KHDRBS2: variants seen among roughly 807,000 people sequenced by gnomAD.
KHDRBS2 encodes the protein KH domain-containing, RNA-binding, signal transduction-associated protein 2.
In KHDRBS2, 26 loss-of-function variants were observed where a neutral mutation model predicts 44.3. That is an observed-to-expected ratio of 0.59 (90% confidence interval 0.43 to 0.81). The LOEUF (loss-of-function observed/expected upper bound fraction) is 0.81, where lower values mean the gene tolerates loss of function less well. KHDRBS2 is among the 40% of genes least tolerant of loss of function. The pLI is 0.00. For missense variants in KHDRBS2, 476 were observed against 433.1 expected (o/e 1.10, Z -0.88); for synonymous variants, 194 against 151.1 (o/e 1.28, Z -2.08).
intron 2 of KHDRBS2, among the ~76,000 whole-genome samples, chr6:62,091,530 CTG>C (rs1799495989): frequency 6.6e-6 from 1 of 152,112 alleles, no homozygotes; most frequent in Non-Finnish European, 1.5e-5. Context: ...CTTTAATAAA[CTG>C]TATTTTTCTA....
At chr6:62,034,218 C>A (rs1451802742) in intron 3 of KHDRBS2, among the ~76,000 whole-genome samples, 1 of 151,772 alleles carries the variant, frequency 6.6e-6, no homozygotes, top group South Asian at 2.1e-4. Flanking sequence ...GACCAGAACC[C>A]GATGGCTTTT....
the KHDRBS2 span, among the ~76,000 whole-genome samples, chr6:61,605,584 C>G: frequency 1.3e-5 from 2 of 152,104 alleles, no homozygotes; most frequent in Non-Finnish European, 2.9e-5. Flanking sequence ...CAGGCCATCA[C>G]CAATAATTCT....
In KHDRBS2 at chr6:62,058,835, A is replaced by G. The variant is rs1790923956; in HGVS notation, c.220-10841T>C. On this transcript the variant is annotated intron_variant, in intron 2 of 8. Transcript: ENST00000281156. Reference sequence around the variant, plus strand: ...TGAGTATTGAAGAAAACAGAGAAGAAAAGCAGAATGATTTAGAATTAACCA... The same window carrying G: ...TGAGTATTGAAGAAAACAGAGAAGAGAAGCAGAATGATTTAGAATTAACCA... Among the ~76,000 whole-genome samples the G allele has an allele frequency of 2.0e-5, 3 of 151,880 alleles. 1 individual carries two copies. The South Asian group carries it at 6.2e-4, about 31-fold the overall frequency.
At chr6:61,650,995 C>T in the KHDRBS2 span, among the ~76,000 whole-genome samples, 1 of 152,052 alleles carries the variant, frequency 6.6e-6, no homozygotes, top group African/African-American at 2.4e-5. Context: ...TACATTCTCT[C>T]TGTTTTCCTT....
the KHDRBS2 span, among the ~76,000 whole-genome samples, chr6:61,594,738 TA>T: frequency 6.6e-6 from 1 of 152,144 alleles, no homozygotes; most frequent in Non-Finnish European, 1.5e-5. Context: ...TAAATATGTT[TA>T]CTATCTCTTT....
intron 6 of KHDRBS2, among the ~76,000 whole-genome samples, chr6:61,795,162 A>G (rs1309025013): frequency 2.6e-5 from 4 of 151,614 alleles, no homozygotes; most frequent in South Asian, 2.1e-4. Context: ...AAAAAAAAAA[A>G]AAAAAAAAGA....
rs375052392 is a variant in KHDRBS2 at position 61,773,811 on chromosome 6, A to G, written c.811-41047T>C. On this transcript the variant is annotated intron_variant, in intron 6 of 8. Coordinates refer to ENST00000281156, the MANE Select transcript of KHDRBS2 (RefSeq NM_152688.4). ...TTAAGTCTTTAAACCATCTTGAATTAATTTTTGTATAAGGTGTAAGGAAGG... is the reference window on the plus strand; with the variant it reads ...TTAAGTCTTTAAACCATCTTGAATTGATTTTTGTATAAGGTGTAAGGAAGG... Among the ~76,000 whole-genome samples the G allele has an allele frequency of 7.8e-3, 1,170 of 150,034 alleles. 6 individuals are homozygous for G. The highest frequency in any genetic ancestry group is 0.014 in the Middle Eastern group (4 of 290).
chr6:61,792,371 G>A (rs147830421), intron 6 of KHDRBS2, among the ~76,000 whole-genome samples: 1,637 of 151,160 alleles, frequency 0.011, 16 homozygotes, highest in Middle Eastern at 0.082. Flanking sequence ...TCTTTTTAAA[G>A]CATATGTCAA....
chr6:61,622,519 T>C, the KHDRBS2 span, among the ~76,000 whole-genome samples: 1 of 152,182 alleles, frequency 6.6e-6, no homozygotes, highest in African/African-American at 2.4e-5. Flanking sequence ...AGAATGTAAG[T>C]CTGAATATGC....
At chr6:61,770,154 A>G (rs1485159929) in intron 6 of KHDRBS2, among the ~76,000 whole-genome samples, 1 of 152,200 alleles carries the variant, frequency 6.6e-6, no homozygotes, top group Non-Finnish European at 1.5e-5. Context: ...ACTAACAAAC[A>G]GAAAGGACAT....
intron 2 of KHDRBS2, among the ~76,000 whole-genome samples, chr6:62,169,547 G>A (rs569007227): frequency 6.6e-6 from 1 of 152,144 alleles, no homozygotes; most frequent in African/African-American, 2.4e-5. Flanking sequence ...GGCAGGAAGA[G>A]GACACAGCAG....
At chr6:61,738,881 G>A (rs139760791) in intron 6 of KHDRBS2, among the ~76,000 whole-genome samples, 12 of 151,758 alleles carry the variant, frequency 7.9e-5, no homozygotes, top group African/African-American at 2.4e-4. Context: ...TAATTCATCA[G>A]ATGTTATATT....
intron 4 of KHDRBS2, among the ~76,000 whole-genome samples, chr6:61,966,846 A>G (rs62416679): frequency 6.6e-6 from 1 of 151,742 alleles, no homozygotes; most frequent in Non-Finnish European, 1.5e-5. Flanking sequence ...CCTATCATGC[A>G]CTTAGAGAAA....
chr6:62,217,636 T>C (rs2150149927), intron 1 of KHDRBS2, among the ~76,000 whole-genome samples: 1 of 151,982 alleles, frequency 6.6e-6, no homozygotes, highest in East Asian at 1.9e-4. Flanking sequence ...TACATTTTCT[T>C]GAAAAATGAT....
chr6:61,784,535 T>A (rs1277487884), intron 6 of KHDRBS2, among the ~76,000 whole-genome samples: 1 of 152,036 alleles, frequency 6.6e-6, no homozygotes, highest in Non-Finnish European at 1.5e-5. Context: ...ATCTGGAAAT[T>A]TATATGGTAT....
chr6:61,816,241 A>G (rs946518408), intron 6 of KHDRBS2, among the ~76,000 whole-genome samples: 5 of 152,178 alleles, frequency 3.3e-5, no homozygotes, highest in African/African-American at 9.6e-5. Flanking sequence ...ACATAACCTT[A>G]TTTGAAAATA....
intron 3 of KHDRBS2, among the ~76,000 whole-genome samples, chr6:61,990,413 T>G (rs1775909145): frequency 1.3e-5 from 2 of 152,162 alleles, no homozygotes; most frequent in Non-Finnish European, 1.5e-5. Flanking sequence ...GAATAATGAA[T>G]GTGATGATTA....
chr6:61,671,758 T>C, the KHDRBS2 span, among the ~76,000 whole-genome samples: 1 of 151,812 alleles, frequency 6.6e-6, no homozygotes, highest in Admixed American at 6.6e-5. Context: ...CTGAATGGTA[T>C]CTTCACTTGG....
intron 2 of KHDRBS2, among the ~76,000 whole-genome samples, chr6:62,048,839 AC>A (rs1788331306): frequency 6.6e-6 from 1 of 151,978 alleles, no homozygotes; most frequent in Non-Finnish European, 1.5e-5. Context: ...AACTAAAAAT[AC>A]AAAGAACATA....
Sources: gnomAD v4.1 joint callset for allele counts (sites outside exome capture counted in the v4.1 genomes callset) on GRCh38, gnomAD v4.1.1 for gene constraint, MANE v1.5 for transcripts, NCBI Gene and HGNC (gene_info 2026-07-23, HGNC 2026-07-21) for gene names.